LAMC2: variants seen among roughly 807,000 people sequenced by gnomAD.
The protein encoded by LAMC2 is laminin subunit gamma 2.
In LAMC2, 97 loss-of-function variants were observed where a neutral mutation model predicts 140.2. That is an observed-to-expected ratio of 0.69 (90% CI 0.59 to 0.82). LAMC2 has a LOEUF of 0.82. Ranked by LOEUF, LAMC2 falls within the 40% of genes least tolerant of loss-of-function variation. LAMC2 has a pLI of 0.00. For synonymous variants in LAMC2, 513 were observed against 540.2 expected, an observed-to-expected ratio of 0.95 and a Z score of 0.70; for missense variants, 1,402 against 1,476.1, an observed-to-expected ratio of 0.95 and a Z score of 0.82.
At chr1:183,221,948 A>G in intron 5 of LAMC2, 141 bp from the exon 6 acceptor site, 1 of 984,850 alleles carries the variant, frequency 1.0e-6, no homozygotes, top group South Asian at 1.3e-5. Flanking sequence ...AATTTTAAGG[A>G]CCATTTGCAA....
At chr1:183,235,100 T>A (rs1659912207) in intron 15 of LAMC2, among the ~76,000 whole-genome samples, 1 of 152,178 alleles carries the variant, frequency 6.6e-6, no homozygotes, top group South Asian at 2.1e-4. Context: ...TGGGTTTTTT[T>A]TAAAGAAGCA....
Position 183,232,281 on chromosome 1 carries a change from G to A in LAMC2, c.1952G>A (p.Gly651Asp). Residue 651 changes from glycine (G) to aspartate (D), a missense_variant, in exon 13 of 23, where the codon GGC becomes GAC. Coordinates refer to ENST00000264144, the MANE Select transcript of LAMC2 (RefSeq NM_005562.3). ...DGVVPDTELE[G>D]RMQQAEQALQ... ...GTAGTACCTGATACAGAGCTGGAAG[G>A]CAGGATGCAGCAGGCTGAGCAGGCC... 1 of 1,614,072 alleles carries A rather than the reference G, an allele frequency of 6.2e-7. No individual in the cohort carries two copies. The highest frequency in any genetic ancestry group is 1.1e-5 in the South Asian group (1 of 91,066).
chr1:183,221,077 A>G (rs1370090187), intron 5 of LAMC2, 116 bp downstream of exon 5: 2 of 1,001,864 alleles, frequency 2.0e-6, no homozygotes, highest in Non-Finnish European at 3.1e-6. Context: ...CTCTTATAGT[A>G]TTGAATGTAC....
chr1:183,209,880 C>T (rs1025784379), intron 2 of LAMC2, among the ~76,000 whole-genome samples: 7 of 152,104 alleles, frequency 4.6e-5, no homozygotes, highest in African/African-American at 1.7e-4. Context: ...GTGGTAAGGG[C>T]AAGTGAAACT....
chr1:183,220,977 T>C lies in LAMC2; in HGVS notation c.640+16T>C, dbSNP rs769402702. The C allele has an allele frequency of 1.9e-6, 3 of 1,613,726 alleles. No homozygotes were observed. The highest frequency in any genetic ancestry group is 2.5e-6 in the Non-Finnish European group (3 of 1,179,628). ...TTTCATCAAGGTAAAGCCTTCTATT[T>C]TCTAGGTTTTAGTTTTTTAATGTTG... On this transcript the variant is annotated intron_variant, in intron 5 of 22. Transcript: ENST00000264144.
intron 1 of LAMC2, among the ~76,000 whole-genome samples, chr1:183,193,089 C>T (rs1413141415): frequency 2.0e-5 from 3 of 152,190 alleles, no homozygotes; most frequent in African/African-American, 7.2e-5. Flanking sequence ...ATGAAGACAT[C>T]TATCTCGTCT....
rs575960416 is a variant in LAMC2, at chr1:183,192,697, C to A, written c.79+6266C>A. 9.2e-5 allele frequency among the ~76,000 whole-genome samples: 14 copies of A among 152,146 alleles called. No individual in the cohort carries two copies. The South Asian group carries it at 2.9e-3, about 32-fold the overall frequency. On this transcript the variant is annotated intron_variant, in intron 1 of 22. Coordinates refer to ENST00000264144, the MANE Select transcript of LAMC2 (RefSeq NM_005562.3). ...TTCTTTTTCTGAGATAACTCCTTGG[C>A]ATATTTCTCATTTTTCTTTTTTTGA...
Position 183,232,186 on chromosome 1 carries a change from G to A in LAMC2, c.1858-1G>A, listed in dbSNP as rs1057516487. On this transcript the variant is annotated splice_acceptor_variant, in intron 12 of 22. Coordinates refer to ENST00000264144, the MANE Select transcript of LAMC2 (RefSeq NM_005562.3). LOFTEE classifies it high-confidence loss of function. ...TTCTGATCTTTCCTGTGTGGTTTCA[G>A]ATGGATCAGTTTATGCAGCAGCTTC... 6.2e-7 allele frequency: 1 copy of A among 1,613,736 alleles called. No individual in the cohort carries two copies. Among genetic ancestry groups the A allele is most frequent in the Non-Finnish European group, 8.5e-7 (1 of 1,180,004 alleles).
intron 6 of LAMC2, among the ~76,000 whole-genome samples, chr1:183,222,779 GTGA>G (rs1169266611): frequency 3.3e-5 from 5 of 152,194 alleles, no homozygotes; most frequent in Non-Finnish European, 7.3e-5. Flanking sequence ...GCCAGCAAAT[GTGA>G]TGATATTTGT....
chr1:183,226,265 A>C (rs1436047248), intron 8 of LAMC2, among the ~76,000 whole-genome samples: 2 of 151,886 alleles, frequency 1.3e-5, no homozygotes, highest in Non-Finnish European at 2.9e-5. Flanking sequence ...AGCATGCACC[A>C]TTTCCATGTC....
At chr1:183,253,995 C>T in the LAMC2 span, among the ~76,000 whole-genome samples, 14 of 150,820 alleles carry the variant, frequency 9.3e-5, no homozygotes, top group Admixed American at 8.0e-4. Context: ...CATTGATGGA[C>T]GTCTAGGTTG....
chr1:183,229,083 A>G (rs931056747), intron 11 of LAMC2, among the ~76,000 whole-genome samples: 1 of 152,200 alleles, frequency 6.6e-6, no homozygotes, highest in Non-Finnish European at 1.5e-5. Flanking sequence ...TAGAAAGGTA[A>G]CAGTCAACAG....
chr1:183,256,166 G>A, the LAMC2 span, among the ~76,000 whole-genome samples: 1 of 152,026 alleles, frequency 6.6e-6, no homozygotes, highest in Admixed American at 6.5e-5. Flanking sequence ...CCAGCACTTT[G>A]GGAGGCTGAG....
intron 6 of LAMC2, 77 bp downstream of exon 6, chr1:183,222,288 A>C (rs1659499657): frequency 2.1e-5 from 32 of 1,515,988 alleles, no homozygotes; most frequent in Non-Finnish European, 2.9e-5. Flanking sequence ...TGAGTTAGAA[A>C]TTGTGGAAAC....
At chr1:183,225,750 C>A in intron 8 of LAMC2, 30 bp downstream of exon 8, 1 of 1,436,562 alleles carries the variant, frequency 7.0e-7, no homozygotes, top group Non-Finnish European at 9.8e-7. Flanking sequence ...TAATTTCTTT[C>A]TTCTTAGGTG....
chr1:183,235,229 G>A (rs1659916250), intron 15 of LAMC2, among the ~76,000 whole-genome samples: 1 of 152,142 alleles, frequency 6.6e-6, no homozygotes, highest in African/African-American at 2.4e-5. Context: ...TGGATCCTGG[G>A]TGAAATAAGA....
rs1385830063 is a variant in LAMC2 at position 183,244,558 on chromosome 1, A to G, written c.*1158A>G. ...ATTTTTAAAAAATAAATTTAAACTT[A>G]CAAACTTTGTTTGTCACAAGTGGTG... On this transcript the variant is annotated 3_prime_UTR_variant, in exon 23 of 23. Coordinates refer to ENST00000264144, the MANE Select transcript of LAMC2 (RefSeq NM_005562.3). The G allele has an allele frequency of 6.6e-6, 1 of 152,670 alleles. No individual in the cohort carries two copies. Among genetic ancestry groups the G allele is most frequent in the African/African-American group, 2.4e-5 (1 of 41,456 alleles). The allele number at this position is 152,670 out of a possible 1,614,324, so 9.5% of individuals were successfully genotyped here. A position where few individuals can be genotyped will look rare whatever the true frequency, so the allele number is the denominator to read the frequency against.
At chr1:183,254,148 T>A in the LAMC2 span, among the ~76,000 whole-genome samples, 1 of 152,144 alleles carries the variant, frequency 6.6e-6, no homozygotes, top group Non-Finnish European at 1.5e-5. Context: ...TTTTAATCTC[T>A]TTAGGAACCT....
chr1:183,210,093 T>C (rs1178347990), intron 2 of LAMC2, among the ~76,000 whole-genome samples: 1 of 152,158 alleles, frequency 6.6e-6, no homozygotes, highest in Non-Finnish European at 1.5e-5. Flanking sequence ...GGGGCTATGT[T>C]TTTTCCCATT....
Sources: allele counts gnomAD v4.1 joint callset (sites outside exome capture counted in the v4.1 genomes callset), GRCh38; gene constraint gnomAD v4.1.1; transcripts MANE v1.5; gene names NCBI Gene and HGNC (gene_info 2026-07-23, HGNC 2026-07-21).